EPB41L4A: variants seen among roughly 807,000 people sequenced by gnomAD.
EPB41L4A encodes the protein erythrocyte membrane protein band 4.1 like 4A, also known as band 4.1-like protein 4A.
EPB41L4A carries 100 observed loss-of-function variants against 108.6 expected under a neutral mutation model. That is an observed-to-expected ratio of 0.92 (90% CI 0.78 to 1.09). EPB41L4A has a LOEUF of 1.09. Ranked by LOEUF, EPB41L4A falls within the 50% of genes least tolerant of loss-of-function variation. EPB41L4A has a pLI of 0.00. For synonymous variants in EPB41L4A, 319 were observed against 289.0 expected (o/e 1.10, Z -1.05); for missense variants, 1,030 against 842.7 (o/e 1.22, Z -2.75).
chr5:112,170,485 A>C, intron 19 of EPB41L4A, 116 bp from the exon 20 acceptor site: 2 of 671,782 alleles, frequency 3.0e-6, no homozygotes, highest in Admixed American at 6.2e-5. Context: ...AGTGTTAGTA[A>C]AACTAATGAA....
downstream of EPB41L4A, chr5:112,142,348 G>A (rs908644303): frequency 6.6e-6 from 1 of 152,120 alleles, no homozygotes; most frequent in East Asian, 1.9e-4. Flanking sequence ...GTTCCTGTAA[G>A]CACCATTTAA....
At chr5:112,389,195 T>G (rs1452258142) in intron 1 of EPB41L4A, among the ~76,000 whole-genome samples, 2 of 152,214 alleles carry the variant, frequency 1.3e-5, no homozygotes, top group East Asian at 3.8e-4. Flanking sequence ...TCATTCAAAA[T>G]TTTTACTCCC....
chr5:112,419,609 G>C (rs1367783239), upstream of EPB41L4A: 2 of 455,024 alleles, frequency 4.4e-6, no homozygotes, highest in Non-Finnish European at 8.8e-6. Context: ...TGAAGCGCTC[G>C]GCTTTTCTTT....
At chr5:112,218,496 A>G (rs190591500) in intron 12 of EPB41L4A, among the ~76,000 whole-genome samples, 126 of 152,290 alleles carry the variant, frequency 8.3e-4, no homozygotes, top group African/African-American at 2.9e-3. Context: ...CGACTGACAC[A>G]CACCAAACAT....
At chr5:112,361,810 C>G (rs1051747701) in intron 1 of EPB41L4A, among the ~76,000 whole-genome samples, 1 of 152,030 alleles carries the variant, frequency 6.6e-6, no homozygotes, top group African/African-American at 2.4e-5. Context: ...TCAACTGAGC[C>G]TGGGAGGCAG....
chr5:112,419,707 C>T (rs1431664089), upstream of EPB41L4A: 3 of 456,596 alleles, frequency 6.6e-6, no homozygotes, highest in Admixed American at 4.7e-5. Flanking sequence ...GTCCCCCAGC[C>T]GCAAGCGCCG....
chr5:112,320,103 C>CCTATT (rs956445059), intron 1 of EPB41L4A, among the ~76,000 whole-genome samples: 2 of 152,332 alleles, frequency 1.3e-5, no homozygotes, highest in African/African-American at 4.8e-5. Flanking sequence ...CTTATCCTCT[C>CCTATT]CTATTCAAGG....
At chr5:112,283,929 C>T (rs79626566) in intron 2 of EPB41L4A, among the ~76,000 whole-genome samples, 1 of 152,250 alleles carries the variant, frequency 6.6e-6, no homozygotes, top group African/African-American at 2.4e-5. Context: ...CGTTAAATAG[C>T]ATGTTCAAAA....
intron 3 of EPB41L4A, among the ~76,000 whole-genome samples, chr5:112,276,412 T>C (rs1752633321): frequency 6.6e-6 from 1 of 152,232 alleles, no homozygotes; most frequent in Non-Finnish European, 1.5e-5. Flanking sequence ...GAAATATTTT[T>C]ATTTCTGAGG....
chr5:112,223,505 A>G (rs1748228437), intron 12 of EPB41L4A, among the ~76,000 whole-genome samples: 1 of 152,166 alleles, frequency 6.6e-6, no homozygotes, highest in Non-Finnish European at 1.5e-5. Context: ...ACTCAGGAAT[A>G]TCTATCCCCA....
chr5:112,320,505 G>A (rs1436278000), intron 1 of EPB41L4A, among the ~76,000 whole-genome samples: 1 of 152,112 alleles, frequency 6.6e-6, no homozygotes, highest in Non-Finnish European at 1.5e-5. Context: ...CTTTAAAATT[G>A]CAGTAACAGT....
At chr5:112,405,209 T>C (rs1416763677) in intron 1 of EPB41L4A, among the ~76,000 whole-genome samples, 1 of 151,934 alleles carries the variant, frequency 6.6e-6, no homozygotes, top group Non-Finnish European at 1.5e-5. Context: ...TACTCAGGAG[T>C]CTATGGAGCA....
At position 112,396,371 on chromosome 5, in the gene EPB41L4A, G is replaced by C. The variant is rs1170955278; in HGVS notation, c.99+22570C>G. Among the ~76,000 whole-genome samples the C allele has an allele frequency of 1.3e-5, 2 of 152,176 alleles. 1 individual carries two copies. Among genetic ancestry groups the C allele is most frequent in the Non-Finnish European group, 2.9e-5 (2 of 68,026 alleles). On this transcript the variant is annotated intron_variant, in intron 1 of 22. Transcript: ENST00000261486. ...TCAGTTTTAGACTATGTCATATTGA[G>C]TTTTTACTTCAGTTTTAAATGAATT...
chr5:112,302,347 A>G (rs1477344544), intron 2 of EPB41L4A, among the ~76,000 whole-genome samples: 1 of 152,144 alleles, frequency 6.6e-6, no homozygotes, highest in East Asian at 1.9e-4. Context: ...CTCTAAAAGA[A>G]AAAAAAATCT....
At chr5:112,234,521 G>T in intron 12 of EPB41L4A, 113 bp downstream of exon 12, 1 of 980,996 alleles carries the variant, frequency 1.0e-6, no homozygotes, top group Non-Finnish European at 1.4e-6. Flanking sequence ...TTTTAATATT[G>T]GAAATTTCAA....
At chr5:112,193,028 A>G (rs1451982644) in intron 17 of EPB41L4A, among the ~76,000 whole-genome samples, 3 of 152,358 alleles carry the variant, frequency 2.0e-5, no homozygotes, top group East Asian at 1.9e-4. Context: ...ATGGGTTTTC[A>G]AAGAAGAAAC....
intron 4 of EPB41L4A, 61 bp downstream of exon 4, chr5:112,275,265 A>G: frequency 6.7e-7 from 1 of 1,483,258 alleles, no homozygotes; most frequent in Non-Finnish European, 9.0e-7. Context: ...AATTTGTTTT[A>G]AATAAAGCTT....
At chr5:112,395,191 A>G (rs1164238505) in intron 1 of EPB41L4A, among the ~76,000 whole-genome samples, 1 of 152,234 alleles carries the variant, frequency 6.6e-6, no homozygotes, top group Non-Finnish European at 1.5e-5. Context: ...ATGGGCAAGG[A>G]TTTCATGTCT....
intron 1 of EPB41L4A, among the ~76,000 whole-genome samples, chr5:112,385,833 G>A (rs143980358): frequency 3.9e-5 from 6 of 152,142 alleles, no homozygotes. Context: ...AGTCTCACAA[G>A]CTCCTAGTGG....
Sources: gnomAD v4.1 joint callset for allele counts (sites outside exome capture counted in the v4.1 genomes callset) on GRCh38, gnomAD v4.1.1 for gene constraint, MANE v1.5 for transcripts, NCBI Gene and HGNC (gene_info 2026-07-23, HGNC 2026-07-21) for gene names.